The following DNAJC1 variants were observed in gnomAD, a reference collection of about 807,000 sequenced individuals.
The protein encoded by DNAJC1 is dnaJ homolog subfamily C member 1.
DNAJC1 carries 58 observed loss-of-function variants against 76.6 expected under a neutral mutation model. The ratio of observed to expected loss-of-function variants is 0.76; its 90% CI spans 0.61 to 0.94. DNAJC1 has a LOEUF of 0.94. Ranked by LOEUF, DNAJC1 falls within the 40% of genes least tolerant of loss-of-function variation. DNAJC1 has a pLI of 0.00. For missense variants in DNAJC1, 689 were observed against 677.3 expected (o/e 1.02, Z -0.19); for synonymous variants, 258 against 267.9 (o/e 0.96, Z 0.36).
chr10:21,909,325 G>A (rs925278099), intron 6 of DNAJC1, among the ~76,000 whole-genome samples: 2 of 152,184 alleles, frequency 1.3e-5, no homozygotes, highest in African/African-American at 4.8e-5. Context: ...ATAGGCTCCT[G>A]CACAAGAAGA....
intron 9 of DNAJC1, among the ~76,000 whole-genome samples, chr10:21,784,360 T>C (rs563524940): frequency 6.6e-6 from 1 of 152,276 alleles, no homozygotes; most frequent in Non-Finnish European, 1.5e-5. Flanking sequence ...AATGCCATCT[T>C]AGACCAGTTA....
At chr10:21,950,170 T>A (rs1564836188) in intron 1 of DNAJC1, among the ~76,000 whole-genome samples, 1 of 152,162 alleles carries the variant, frequency 6.6e-6, no homozygotes, top group Admixed American at 6.5e-5. Context: ...TGAAGGTTTG[T>A]GGCAATCCTG....
chr10:21,932,188 T>A (rs1366202750), intron 1 of DNAJC1, among the ~76,000 whole-genome samples: 1 of 152,024 alleles, frequency 6.6e-6, no homozygotes, highest in Non-Finnish European at 1.5e-5. Context: ...AAAAATTGTT[T>A]AATTAGCTGG....
At chr10:21,870,093 T>C (rs1322878253) in intron 8 of DNAJC1, among the ~76,000 whole-genome samples, 1 of 151,880 alleles carries the variant, frequency 6.6e-6, no homozygotes, top group Non-Finnish European at 1.5e-5. Context: ...AAGAATAATA[T>C]TTCATAGGAC....
chr10:21,919,680 C>G (rs1837009021), intron 5 of DNAJC1, 152 bp downstream of exon 5: 1 of 510,798 alleles, frequency 2.0e-6, no homozygotes, highest in Admixed American at 3.7e-5. Context: ...TAGAACTTGT[C>G]TCATAAACAA....
intron 1 of DNAJC1, among the ~76,000 whole-genome samples, chr10:21,929,426 T>C (rs936367513): frequency 6.6e-6 from 1 of 152,174 alleles, no homozygotes; most frequent in African/African-American, 2.4e-5. Flanking sequence ...TTCCTAAAAT[T>C]AACCAATAAA....
chr10:21,813,968 C>G (rs1344244785), intron 8 of DNAJC1, among the ~76,000 whole-genome samples: 1 of 152,124 alleles, frequency 6.6e-6, no homozygotes, highest in Non-Finnish European at 1.5e-5. Context: ...TGTCTTCTAC[C>G]AGCATTCATG....
intron 8 of DNAJC1, among the ~76,000 whole-genome samples, chr10:21,872,663 A>C (rs559786843): frequency 1.3e-5 from 2 of 152,280 alleles, no homozygotes; most frequent in African/African-American, 2.4e-5. Flanking sequence ...AAAATGAATA[A>C]ATCTTCAGAA....
At chr10:21,923,973 C>T (rs961376169) in intron 3 of DNAJC1, among the ~76,000 whole-genome samples, 3 of 151,864 alleles carry the variant, frequency 2.0e-5, no homozygotes, top group African/African-American at 7.2e-5. Flanking sequence ...ATAATTCTAG[C>T]ATGTGCCTAA....
chr10:21,822,298 G>T (rs1835172944), intron 8 of DNAJC1, among the ~76,000 whole-genome samples: 1 of 151,928 alleles, frequency 6.6e-6, no homozygotes, highest in South Asian at 2.1e-4. Flanking sequence ...AATTAGCCAG[G>T]CATGGTGGTG....
At chr10:21,921,918 C>T (rs1245480143) in intron 3 of DNAJC1, among the ~76,000 whole-genome samples, 1 of 151,998 alleles carries the variant, frequency 6.6e-6, no homozygotes, top group East Asian at 1.9e-4. Context: ...ACACACACAA[C>T]CTGTTAATTG....
intron 1 of DNAJC1, among the ~76,000 whole-genome samples, chr10:21,935,085 A>AT (rs1302472617): frequency 2.0e-5 from 3 of 152,218 alleles, no homozygotes; most frequent in Non-Finnish European, 4.4e-5. Context: ...ATAAAAAATT[A>AT]TAAAGCATGG....
intron 10 of DNAJC1, among the ~76,000 whole-genome samples, chr10:21,763,235 A>G (rs550200307): frequency 3.3e-5 from 5 of 152,316 alleles, no homozygotes; most frequent in Admixed American, 1.3e-4. Flanking sequence ...CCAGCCAAGC[A>G]TCTACTTTCA....
At chr10:21,934,364 A>G (rs1440635739) in intron 1 of DNAJC1, among the ~76,000 whole-genome samples, 1 of 152,324 alleles carries the variant, frequency 6.6e-6, no homozygotes, top group African/African-American at 2.4e-5. Context: ...AATGTTACAT[A>G]GTAAGCTATG....
intron 7 of DNAJC1, among the ~76,000 whole-genome samples, chr10:21,888,691 CAT>C (rs1836407824): frequency 6.6e-6 from 1 of 152,100 alleles, no homozygotes; most frequent in South Asian, 2.1e-4. Context: ...AACCAAATAC[CAT>C]ATGTTTTCAC....
chr10:21,969,383 T>C (rs1339856881), intron 1 of DNAJC1, among the ~76,000 whole-genome samples: 1 of 152,084 alleles, frequency 6.6e-6, no homozygotes, highest in South Asian at 2.1e-4. Flanking sequence ...ATAAATTAAC[T>C]CATCATAATT....
intron 8 of DNAJC1, among the ~76,000 whole-genome samples, chr10:21,877,249 G>A (rs1836201111): frequency 6.6e-6 from 1 of 151,564 alleles, no homozygotes; most frequent in Non-Finnish European, 1.5e-5. Flanking sequence ...CCTTCAGCCT[G>A]AGTGACAGAG....
At chr10:21,837,520 A>T (rs1462948221) in intron 8 of DNAJC1, among the ~76,000 whole-genome samples, 2 of 143,260 alleles carry the variant, frequency 1.4e-5, no homozygotes, top group African/African-American at 2.7e-5. Context: ...CCTCTGCCCC[A>T]CTGCCCCGTC....
intron 8 of DNAJC1, among the ~76,000 whole-genome samples, chr10:21,871,740 C>A (rs1277666579): frequency 1.3e-5 from 2 of 150,670 alleles, no homozygotes; most frequent in African/African-American, 2.4e-5. Flanking sequence ...CTCTGCCTCC[C>A]GGGTTCAGAC....
Sources: gnomAD v4.1 joint callset for allele counts (sites outside exome capture counted in the v4.1 genomes callset) on GRCh38, gnomAD v4.1.1 for gene constraint, MANE v1.5 for transcripts, NCBI Gene and HGNC (gene_info 2026-07-23, HGNC 2026-07-21) for gene names.